RNLS: variants seen among roughly 807,000 people sequenced by gnomAD.
RNLS encodes the protein renalase.
RNLS carries 39 observed loss-of-function variants against 39.8 expected under a neutral mutation model. The ratio of observed to expected loss-of-function variants is 0.98; its 90% CI spans 0.76 to 1.28. The LOEUF (loss-of-function observed/expected upper bound fraction) is 1.28. RNLS is among the 50% of genes most tolerant of loss of function. The probability of loss-of-function intolerance (pLI) is 0.00; values close to 1 mark genes in which losing one functional copy is unlikely to be tolerated. For missense variants in RNLS, 410 were observed against 413.3 expected, an observed-to-expected ratio of 0.99 and a Z score of 0.07; for synonymous variants, 147 against 150.7, an observed-to-expected ratio of 0.98 and a Z score of 0.18.
At chr10:88,173,363 A>G in the RNLS span, among the ~76,000 whole-genome samples, 3 of 152,168 alleles carry the variant, frequency 2.0e-5, no homozygotes, top group African/African-American at 7.2e-5. Flanking sequence ...CTGTACCATT[A>G]CCATACTATT....
At chr10:88,278,949 G>T (rs922102960) in intron 6 of RNLS, among the ~76,000 whole-genome samples, 5 of 152,216 alleles carry the variant, frequency 3.3e-5, no homozygotes, top group Non-Finnish European at 5.9e-5. Flanking sequence ...TGGATCAACA[G>T]ATATTTACTG....
In RNLS at chr10:88,314,567, T is replaced by G; in HGVS notation, c.775A>C (p.Ile259Leu). 6.2e-7 allele frequency: 1 copy of G among 1,613,982 alleles called. No homozygotes were observed. Among genetic ancestry groups the G allele is most frequent in the Non-Finnish European group, 8.5e-7 (1 of 1,179,878 alleles). The change falls in exon 6 of 7, where the codon ATT becomes CTT. Residue 259 changes from isoleucine to leucine, a missense_variant. Transcript: ENST00000331772. ...PFGVTYLEHSIEDVQELVFQQ... is the reference protein window; with the variant it reads ...PFGVTYLEHSLEDVQELVFQQ... ...AAGACTAACTCTTGCACATCCTCAA[T>G]GCTGTGTTCCAAGTATGTAACTCCA...
intron 4 of RNLS, among the ~76,000 whole-genome samples, chr10:88,521,454 A>T (rs889642232): frequency 3.9e-5 from 6 of 152,074 alleles, no homozygotes; most frequent in Non-Finnish European, 5.9e-5. Flanking sequence ...GTTATATAAT[A>T]CAATTCAGTC....
chr10:88,342,767 A>G (rs892060472), intron 5 of RNLS, among the ~76,000 whole-genome samples: 2 of 152,202 alleles, frequency 1.3e-5, no homozygotes, highest in Admixed American at 6.5e-5. Context: ...CAGAATAGAC[A>G]AAGGTCTCGA....
Position 88,582,288 on chromosome 10 carries a change from G to A in RNLS, c.138C>T (p.Ala46=). 6.2e-7 allele frequency: 1 copy of A among 1,613,726 alleles called. No homozygotes were observed. Among genetic ancestry groups the A allele is most frequent in the South Asian group, 1.1e-5 (1 of 91,014 alleles). Residue 46 remains alanine, a synonymous_variant, in exon 2 of 7, where the codon GCC becomes GCT. Transcript: ENST00000331772. ...TGCACTGAGGATTATGAGGACTGCA[G>A]GCTGTAGTCATTCTTCCCCCTTGAA... The part of the protein sequence containing the change: ...AEDSGGRMTT[A]CSPHNPQCTA...
chr10:88,558,514 A>G (rs531157217), intron 4 of RNLS, among the ~76,000 whole-genome samples: 164 of 152,260 alleles, frequency 1.1e-3, no homozygotes, highest in African/African-American at 3.3e-3. Flanking sequence ...TAAGTAGGTA[A>G]ACTCCCTCTG....
chr10:88,332,984 G>T (rs1847219659), intron 5 of RNLS, among the ~76,000 whole-genome samples: 1 of 152,104 alleles, frequency 6.6e-6, no homozygotes. Context: ...CACTTTTGAG[G>T]AATATCAATT....
the RNLS span, among the ~76,000 whole-genome samples, chr10:88,220,305 T>C: frequency 7.2e-5 from 11 of 152,082 alleles, no homozygotes; most frequent in African/African-American, 2.7e-4. Flanking sequence ...GAGCAAAGCA[T>C]TTTAGGATTT....
At chr10:88,570,605 A>G (rs779433441) in intron 4 of RNLS, among the ~76,000 whole-genome samples, 12 of 152,240 alleles carry the variant, frequency 7.9e-5, no homozygotes, top group Non-Finnish European at 1.6e-4. Flanking sequence ...ATAGGATTAT[A>G]ATCCAAGATG....
intron 4 of RNLS, among the ~76,000 whole-genome samples, chr10:88,407,146 A>G (rs1452929259): frequency 3.9e-5 from 6 of 152,050 alleles, no homozygotes; most frequent in African/African-American, 1.4e-4. Flanking sequence ...AATCACCACT[A>G]AAGAACTTAC....
chr10:88,360,081 T>C (rs1208623171), intron 5 of RNLS, among the ~76,000 whole-genome samples: 2 of 152,246 alleles, frequency 1.3e-5, no homozygotes, highest in Non-Finnish European at 2.9e-5. Context: ...TAATTTTGAA[T>C]GTACATGACT....
At chr10:88,562,102 C>G (rs1420721761) in intron 4 of RNLS, among the ~76,000 whole-genome samples, 1 of 151,996 alleles carries the variant, frequency 6.6e-6, no homozygotes, top group African/African-American at 2.4e-5. Flanking sequence ...AGAATCATGA[C>G]AAACTTTTTG....
chr10:88,534,657 A>C (rs1395087091), intron 4 of RNLS, among the ~76,000 whole-genome samples: 1 of 152,162 alleles, frequency 6.6e-6, no homozygotes, highest in African/African-American at 2.4e-5. Context: ...ACAAGCCATG[A>C]AAAGATAACA....
chr10:88,216,520 A>T, the RNLS span, among the ~76,000 whole-genome samples: 1 of 152,190 alleles, frequency 6.6e-6, no homozygotes, highest in African/African-American at 2.4e-5. Context: ...GAAACACAGA[A>T]TCTCTTTTCC....
intron 4 of RNLS, among the ~76,000 whole-genome samples, chr10:88,423,989 G>T (rs1270876156): frequency 6.6e-6 from 1 of 152,182 alleles, no homozygotes; most frequent in Non-Finnish European, 1.5e-5. Flanking sequence ...TCCCTCTCAT[G>T]TCTTGTTTTT....
chr10:88,549,206 T>C (rs1848491241), intron 4 of RNLS, among the ~76,000 whole-genome samples: 1 of 152,210 alleles, frequency 6.6e-6, no homozygotes, highest in African/African-American at 2.4e-5. Flanking sequence ...ATTTTTAAAA[T>C]GTCCAATTTG....
At position 88,441,304 on chromosome 10, in the gene RNLS, C is replaced by A. The variant is rs552422102; in HGVS notation, c.527-78579G>T. On this transcript the variant is annotated intron_variant, in intron 4 of 6. Coordinates refer to ENST00000331772, the MANE Select transcript of RNLS (RefSeq NM_001031709.3). Reference sequence around the variant, plus strand: ...CTATCTATGCAGCACTTATTTAGAGCAAGCCCTTCCTTCCCACCTACGTAT... The same window carrying A: ...CTATCTATGCAGCACTTATTTAGAGAAAGCCCTTCCTTCCCACCTACGTAT... Among the ~76,000 whole-genome samples, 3 of 152,302 alleles carry A rather than the reference C, an allele frequency of 2.0e-5. 1 individual carries two copies. In the South Asian group the frequency reaches 6.2e-4, roughly 32 times the overall value.
chr10:88,256,487 G>A, the RNLS span, among the ~76,000 whole-genome samples: 1 of 152,206 alleles, frequency 6.6e-6, no homozygotes. Flanking sequence ...CGGGAACTCG[G>A]CCTGAAAACC....
chr10:88,310,801 C>CAAAAAAAAAAAAAAAA lies in RNLS; in HGVS notation c.876+3649_876+3664dup, dbSNP rs577838661. ...TGACAGATTTAGAGCCTACCTCTGCCAAAAAAAAAAAAAAAAAAAAAAAAA... is the reference window on the plus strand; with the variant it reads ...TGACAGATTTAGAGCCTACCTCTGCCAAAAAAAAAAAAAAAAAAAAAAAAAAAAAAAAAAAAAAAAA... On this transcript the variant is annotated intron_variant, in intron 6 of 6. Coordinates refer to ENST00000331772, the MANE Select transcript of RNLS (RefSeq NM_001031709.3). Among the ~76,000 whole-genome samples the CAAAAAAAAAAAAAAAA allele has an allele frequency of 2.5e-3, 48 of 19,584 alleles. 2 individuals are homozygous for CAAAAAAAAAAAAAAAA. The highest frequency in any genetic ancestry group is 0.011 in the East Asian group (5 of 436). 12.8% of individuals were successfully genotyped at this position (19,584 alleles called of 152,430 possible).
Sources: allele counts gnomAD v4.1 joint callset (sites outside exome capture counted in the v4.1 genomes callset), GRCh38; gene constraint gnomAD v4.1.1; transcripts MANE v1.5; gene names NCBI Gene and HGNC (gene_info 2026-07-23, HGNC 2026-07-21).